Variants in CNTN6 observed in about 807,000 individuals in gnomAD.
CNTN6 encodes the protein contactin-6.
A neutral mutation model predicts 122.8 loss-of-function variants in CNTN6; 137 were observed. The observed-to-expected ratio is 1.12, with a 90% CI of 0.97 to 1.29. CNTN6 has a LOEUF of 1.29. Ranked by LOEUF, CNTN6 falls within the 50% of genes most tolerant of loss-of-function variation. CNTN6 has a pLI of 0.00. For synonymous variants in CNTN6, 570 were observed against 426.0 expected, an observed-to-expected ratio of 1.34 and a Z score of -4.16; for missense variants, 1,634 against 1,223.4, an observed-to-expected ratio of 1.34 and a Z score of -5.01.
chr3:1,120,386 T>C (rs2091904416), intron 1 of CNTN6, among the ~76,000 whole-genome samples: 1 of 151,970 alleles, frequency 6.6e-6, no homozygotes, highest in South Asian at 2.1e-4. Flanking sequence ...TTTTTAGTTT[T>C]AGTCATTATT....
At chr3:1,349,039 A>G (rs1267679416) in intron 11 of CNTN6, among the ~76,000 whole-genome samples, 1 of 152,002 alleles carries the variant, frequency 6.6e-6, no homozygotes, top group Non-Finnish European at 1.5e-5. Context: ...TTTCAAACAC[A>G]GTAGACATTT....
intron 2 of CNTN6, among the ~76,000 whole-genome samples, chr3:1,202,357 G>A (rs979069380): frequency 1.3e-5 from 2 of 151,942 alleles, no homozygotes; most frequent in East Asian, 3.9e-4. Context: ...TGGCTAACAC[G>A]GTGAAACCGC....
At chr3:1,268,689 GT>G (rs1233219828) in intron 4 of CNTN6, among the ~76,000 whole-genome samples, 3 of 150,544 alleles carry the variant, frequency 2.0e-5, no homozygotes, top group Non-Finnish European at 3.0e-5. Context: ...TCTCCTTTTT[GT>G]TTTTTTCCAT....
At chr3:1,295,204 T>G (rs2125862440) in intron 5 of CNTN6, among the ~76,000 whole-genome samples, 1 of 152,360 alleles carries the variant, frequency 6.6e-6, no homozygotes, top group South Asian at 2.1e-4. Flanking sequence ...TAAGTATGTT[T>G]AATTCTTCTG....
intron 2 of CNTN6, among the ~76,000 whole-genome samples, chr3:1,188,045 T>C (rs1181079696): frequency 2.0e-5 from 3 of 152,172 alleles, no homozygotes; most frequent in Non-Finnish European, 4.4e-5. Context: ...TTTTTTTCTA[T>C]TTAAATGCCA....
chr3:1,159,622 T>C (rs1034241143), intron 2 of CNTN6, among the ~76,000 whole-genome samples: 2 of 151,910 alleles, frequency 1.3e-5, no homozygotes, highest in Admixed American at 1.3e-4. Context: ...TATTTCTTTT[T>C]ATCTTATAAA....
intron 1 of CNTN6, among the ~76,000 whole-genome samples, chr3:1,132,658 AAAAT>A (rs71303111): frequency 0.13 from 18,883 of 144,384 alleles, 1,613 homozygotes; most frequent in African/African-American, 0.25. Flanking sequence ...CTCTGTCTAA[AAAAT>A]AAATAAATAA....
At chr3:1,301,664 G>A (rs1418593200) in intron 7 of CNTN6, among the ~76,000 whole-genome samples, 1 of 152,108 alleles carries the variant, frequency 6.6e-6, no homozygotes, top group Non-Finnish European at 1.5e-5. Context: ...ATTAAATGAA[G>A]GCATTAATAT....
At chr3:1,199,237 G>A (rs1249067766) in intron 2 of CNTN6, among the ~76,000 whole-genome samples, 1 of 144,488 alleles carries the variant, frequency 6.9e-6, no homozygotes, top group Non-Finnish European at 1.5e-5. Context: ...GGAGAGCAGT[G>A]ACACCATCAC....
chr3:1,402,465 A>G lies in CNTN6; in HGVS notation c.2965A>G (p.Ile989Val). ...DGGDGSSSEE[I>V]RIPKMSSLSS... Reference sequence around the variant, plus strand: ...TGGAGATGGAAGCAGCAGTGAGGAAATTAGGATTCCAAAAATGTCAAGTAA... The same window carrying G: ...TGGAGATGGAAGCAGCAGTGAGGAAGTTAGGATTCCAAAAATGTCAAGTAA... The change falls in exon 22 of 23, where the codon ATT becomes GTT. Residue 989 changes from isoleucine (I) to valine (V), a missense_variant. Physicochemically the swap from Ile to Val is conservative, Grantham distance 29. Transcript: ENST00000446702. The G allele has an allele frequency of 1.9e-6, 3 of 1,609,410 alleles. No individual in the cohort carries two copies. The South Asian group carries it at 3.3e-5, about 18-fold the overall frequency.
At chr3:1,306,140 T>C (rs1698317032) in intron 7 of CNTN6, among the ~76,000 whole-genome samples, 1 of 152,140 alleles carries the variant, frequency 6.6e-6, no homozygotes, top group Non-Finnish European at 1.5e-5. Flanking sequence ...GTCTAAAAAA[T>C]TGTTTACCTT....
At position 1,165,450 on chromosome 3, in the gene CNTN6, T is replaced by G. The variant is rs189720835; in HGVS notation, c.55+17387T>G. On this transcript the variant is annotated intron_variant, in intron 2 of 22. Coordinates refer to ENST00000446702, the MANE Select transcript of CNTN6 (RefSeq NM_001289080.2). The stretch of plus-strand genomic sequence containing the variant: ...GCTGTCCCTTTGCTGCAGAACCAGA[T>G]AGATTCTTCTCAACCTTGTATTGAA... Among the ~76,000 whole-genome samples the G allele has an allele frequency of 5.3e-5, 8 of 152,286 alleles. No individual in the cohort carries two copies. The East Asian group carries it at 1.4e-3, about 26-fold the overall frequency.
At chr3:1,289,691 T>C (rs1039503948) in intron 5 of CNTN6, among the ~76,000 whole-genome samples, 10 of 126,510 alleles carry the variant, frequency 7.9e-5, no homozygotes, top group Middle Eastern at 4.1e-3. Context: ...TTTTTTTTTT[T>C]TGAGACAGAG....
At chr3:1,110,268 CT>C (rs57886847) in intron 1 of CNTN6, among the ~76,000 whole-genome samples, 2,968 of 152,110 alleles carry the variant, frequency 0.02, 106 homozygotes, top group African/African-American at 0.069. Context: ...AAAAGATTGA[CT>C]TTAAAACATA....
intron 2 of CNTN6, among the ~76,000 whole-genome samples, chr3:1,158,750 AT>A (rs1297262469): frequency 1.5e-5 from 2 of 133,596 alleles, no homozygotes; most frequent in Non-Finnish European, 3.2e-5. Flanking sequence ...TTTTATATAT[AT>A]ATACATATAT....
At chr3:1,109,426 A>G (rs1321739065) in intron 1 of CNTN6, among the ~76,000 whole-genome samples, 3 of 152,086 alleles carry the variant, frequency 2.0e-5, no homozygotes, top group Non-Finnish European at 4.4e-5. Flanking sequence ...AAAAAGAAAC[A>G]CTTTTAAAAT....
chr3:1,250,211 G>T (rs2094641890), intron 4 of CNTN6, among the ~76,000 whole-genome samples: 1 of 152,146 alleles, frequency 6.6e-6, no homozygotes. Flanking sequence ...CAAGTGAATG[G>T]CAGAGCCAGG....
At chr3:1,276,424 C>T (rs181261155) in intron 4 of CNTN6, among the ~76,000 whole-genome samples, 9 of 152,216 alleles carry the variant, frequency 5.9e-5, no homozygotes, top group Admixed American at 1.3e-4. Context: ...CAACGATGTG[C>T]GCTGCTGTAT....
rs561964896 is a variant in CNTN6 at position 1,204,638 on chromosome 3, A to T, written c.56-16049A>T. Reference sequence around the variant, plus strand: ...ATAGTTTTATTTCAGTTCCCAGTTTATCTCAAGCTTGGCCTTTATGTCTCA... The same window carrying T: ...ATAGTTTTATTTCAGTTCCCAGTTTTTCTCAAGCTTGGCCTTTATGTCTCA... On this transcript the variant is annotated intron_variant, in intron 2 of 22. Coordinates refer to ENST00000446702, the MANE Select transcript of CNTN6 (RefSeq NM_001289080.2). Among the ~76,000 whole-genome samples the T allele has an allele frequency of 8.5e-5, 13 of 152,246 alleles. No individual in the cohort carries two copies. The East Asian group carries it at 2.5e-3, about 29-fold the overall frequency.
Sources: allele counts gnomAD v4.1 joint callset (sites outside exome capture counted in the v4.1 genomes callset), GRCh38; gene constraint gnomAD v4.1.1; transcripts MANE v1.5; gene names NCBI Gene and HGNC (gene_info 2026-07-23, HGNC 2026-07-21).